ENDOU: variants seen among roughly 807,000 people sequenced by gnomAD.
ENDOU encodes the protein uridylate-specific endoribonuclease.
ENDOU carries 49 observed loss-of-function variants against 54.2 expected under a neutral mutation model. That is an observed-to-expected ratio of 0.90 (90% CI 0.72 to 1.15). The LOEUF is 1.15. Ranked by LOEUF, ENDOU falls within the 50% of genes most tolerant of loss-of-function variation. The pLI, the probability that ENDOU is intolerant of heterozygous loss-of-function variation, is 0.00. For missense variants in ENDOU, 458 were observed against 511.4 expected, an observed-to-expected ratio of 0.90 and a Z score of 1.01; for synonymous variants, 172 against 190.5, an observed-to-expected ratio of 0.90 and a Z score of 0.80.
At chr12:47,720,913 G>A in intron 1 of ENDOU, 38 bp from the exon 2 acceptor site, 1 of 1,534,476 alleles carries the variant, frequency 6.5e-7, no homozygotes, top group Non-Finnish European at 8.7e-7. Flanking sequence ...GCTCTATGGA[G>A]ACCCTGTTCT....
At chr12:47,714,193 G>T (rs1421563593) in intron 6 of ENDOU, among the ~76,000 whole-genome samples, 4 of 152,198 alleles carry the variant, frequency 2.6e-5, no homozygotes, top group Non-Finnish European at 5.9e-5. Flanking sequence ...AAGAAACTGA[G>T]ACGGACAAAG....
chr12:47,719,390 T>C (rs555274634), intron 2 of ENDOU: 122 of 152,158 alleles, frequency 8.0e-4, no homozygotes, highest in African/African-American at 2.8e-3. Flanking sequence ...CTAATATATA[T>C]GTGGTGCTAA....
Position 47,712,505 on chromosome 12 carries a change from C to T in ENDOU, c.972+11G>A, listed in dbSNP as rs79909739. 4.4e-4 allele frequency: 708 copies of T among 1,594,630 alleles called. 3 individuals carry two copies. In the African/African-American group the frequency reaches 8.7e-3, roughly 20 times the overall value. On this transcript the variant is annotated intron_variant, in intron 8 of 9. Coordinates refer to ENST00000422538, the MANE Select transcript of ENDOU (RefSeq NM_001172439.2). Reference sequence around the variant, plus strand: ...GGGCTCTGACAAGGCTTTTCTAGTCCGTGTACTCACAGGCCCATCGTAGAT... The same window carrying T: ...GGGCTCTGACAAGGCTTTTCTAGTCTGTGTACTCACAGGCCCATCGTAGAT...
Position 47,717,590 on chromosome 12 carries a change from A to T in ENDOU, c.310T>A (p.Cys104Ser). ...CYEAFDKHHQCHCNARCQEFG... is the reference protein window; with the variant it reads ...CYEAFDKHHQSHCNARCQEFG... ...TCTTGGCAGCGGGCATTGCAGTGAC[A>T]TTGGTGGTGCTTGTCAAAGGCTTCG... is the stretch of plus-strand genomic sequence containing the variant. The change falls in exon 4 of 10, where the codon TGT (cysteine) becomes AGT (serine). Residue 104 changes from cysteine to serine, a missense_variant. Transcript: ENST00000422538. 6.2e-7 allele frequency: 1 copy of T among 1,614,118 alleles called. No individual in the cohort carries two copies. Among genetic ancestry groups the T allele is most frequent in the African/African-American group, 1.3e-5 (1 of 75,026 alleles).
intron 5 of ENDOU, 50 bp from the exon 6 acceptor site, chr12:47,716,549 C>T (rs766566700): frequency 7.0e-6 from 11 of 1,561,528 alleles, no homozygotes; most frequent in South Asian, 1.1e-5. Flanking sequence ...CACAGGGCAG[C>T]GACCCCTCCA....
chr12:47,720,946 G>A, intron 1 of ENDOU, 71 bp from the exon 2 acceptor site: 1 of 1,474,374 alleles, frequency 6.8e-7, no homozygotes. Flanking sequence ...TCCTGCAGGA[G>A]GGTTCACAGA....
chr12:47,724,650 C>T (rs1940531138), intron 1 of ENDOU, among the ~76,000 whole-genome samples: 1 of 152,102 alleles, frequency 6.6e-6, no homozygotes, highest in Non-Finnish European at 1.5e-5. Context: ...CCTTCCCACC[C>T]ACCCACTAGC....
chr12:47,713,722 G>A (rs1384656660), intron 6 of ENDOU, among the ~76,000 whole-genome samples: 1 of 142,550 alleles, frequency 7.0e-6, no homozygotes, highest in East Asian at 2.1e-4. Context: ...GACGGGAAAG[G>A]GCTGGCACAT....
intron 1 of ENDOU, among the ~76,000 whole-genome samples, chr12:47,724,013 A>G (rs992001728): frequency 6.6e-6 from 1 of 151,602 alleles, no homozygotes; most frequent in Non-Finnish European, 1.5e-5. Flanking sequence ...CATACACTTG[A>G]CCTCACTTCC....
intron 7 of ENDOU, 87 bp from the exon 8 acceptor site, chr12:47,712,709 C>A (rs1940075416): frequency 2.1e-6 from 2 of 935,678 alleles, no homozygotes; most frequent in Non-Finnish European, 3.3e-6. Context: ...GCCAAGGCTT[C>A]CCCCTTCTCC....
chr12:47,724,817 C>G (rs1253922247), intron 1 of ENDOU, among the ~76,000 whole-genome samples: 1 of 152,216 alleles, frequency 6.6e-6, no homozygotes, highest in African/African-American at 2.4e-5. Context: ...GAGATCCATT[C>G]CTCTGACCCC....
In ENDOU at chr12:47,717,582, G is replaced by A. The variant is rs759491419; in HGVS notation, c.318C>T (p.Cys106=). 6.2e-7 allele frequency: 1 copy of A among 1,614,164 alleles called. No individual in the cohort carries two copies. The change falls in exon 4 of 10, where the codon TGC becomes TGT. Residue 106 remains cysteine (C), a synonymous_variant. Transcript: ENST00000422538. ...TCCCAAACTCTTGGCAGCGGGCATT[G>A]CAGTGACATTGGTGGTGCTTGTCAA... is the stretch of plus-strand genomic sequence containing the variant. ...EAFDKHHQCH[C]NARCQEFGNC... is the part of the protein sequence containing the mutation.
intron 3 of ENDOU, 80 bp from the exon 4 acceptor site, chr12:47,717,735 C>T: frequency 1.4e-6 from 2 of 1,473,846 alleles, no homozygotes; most frequent in Non-Finnish European, 1.9e-6. Context: ...GCTCCCTAGC[C>T]TGGCTGTCTT....
Position 47,716,939 on chromosome 12 carries a change from A to G in ENDOU, c.502T>C (p.Cys168Arg). Residue 168 changes from cysteine to arginine, a missense_variant, in exon 5 of 10, where the codon TGC (cysteine) becomes CGC (arginine). Physicochemically the swap from Cys to Arg is radical, Grantham distance 180. Coordinates refer to ENST00000422538, the MANE Select transcript of ENDOU (RefSeq NM_001172439.2). Reference protein sequence around the residue: ...KEDIVLNSQNCISPSETRNQV... With the variant: ...KEDIVLNSQNRISPSETRNQV... The stretch of plus-strand genomic sequence containing the variant: ...TTTCTGGTCTCTGACGGGGAGATGC[A>G]GTTTTGGCTATTGAGAACGATGTCT... 1 of 1,614,180 alleles carries G rather than the reference A, an allele frequency of 6.2e-7. No homozygotes were observed. Among genetic ancestry groups the G allele is most frequent in the Non-Finnish European group, 8.5e-7 (1 of 1,180,022 alleles).
intron 1 of ENDOU, among the ~76,000 whole-genome samples, chr12:47,724,631 C>T (rs1165056287): frequency 6.6e-6 from 1 of 152,052 alleles, no homozygotes; most frequent in African/African-American, 2.4e-5. Flanking sequence ...CAGCCCCTCC[C>T]TTGGCACTCC....
chr12:47,717,848 C>T, intron 3 of ENDOU, 193 bp from the exon 4 acceptor site: 1 of 621,802 alleles, frequency 1.6e-6, no homozygotes. Flanking sequence ...ACTTTACTTT[C>T]TGGCCTGCTG....
In ENDOU at chr12:47,710,255, C is replaced by A. The variant is rs1939937542; in HGVS notation, c.*547G>T. On this transcript the variant is annotated 3_prime_UTR_variant, in exon 10 of 10. Coordinates refer to ENST00000422538, the MANE Select transcript of ENDOU (RefSeq NM_001172439.2). ...AAAGGCCCTTGCTTGATTACTGTGG[C>A]CTTACTTCTTTGAGGACCCCAACAC... 2 of 152,390 alleles carry A rather than the reference C, an allele frequency of 1.3e-5. No homozygotes were observed. Among genetic ancestry groups the A allele is most frequent in the South Asian group, 4.1e-4 (2 of 4,834 alleles). 9.4% of individuals were successfully genotyped at this position (152,390 alleles called of 1,614,324 possible).
At chr12:47,712,305 C>A (rs570411025) in intron 8 of ENDOU, among the ~76,000 whole-genome samples, 1 of 152,296 alleles carries the variant, frequency 6.6e-6, no homozygotes, top group South Asian at 2.1e-4. Flanking sequence ...TGCCTCCTGT[C>A]CCCTGCAGTT....
intron 2 of ENDOU, 131 bp downstream of exon 2, chr12:47,720,622 G>T (rs911046330): frequency 1.1e-6 from 1 of 952,166 alleles, no homozygotes; most frequent in Non-Finnish European, 1.4e-6. Context: ...CCCTGCCTCT[G>T]TCCCTCAGTG....
Sources: allele counts gnomAD v4.1 joint callset (sites outside exome capture counted in the v4.1 genomes callset), GRCh38; gene constraint gnomAD v4.1.1; transcripts MANE v1.5; gene names NCBI Gene and HGNC (gene_info 2026-07-23, HGNC 2026-07-21).